The following CDK19 variants were observed in gnomAD, a reference collection of about 807,000 sequenced individuals.
CDK19 encodes the protein cyclin-dependent kinase 19.
CDK19 carries 20 observed loss-of-function variants against 68.3 expected under a neutral mutation model. The ratio of observed to expected loss-of-function variants is 0.29; its 90% confidence interval spans 0.21 to 0.43. The LOEUF (loss-of-function observed/expected upper bound fraction) is 0.43, where lower values mean the gene tolerates loss of function less well. Ranked by LOEUF, CDK19 falls within the 20% of genes least tolerant of loss-of-function variation. The probability of loss-of-function intolerance (pLI) is 1.00; values close to 1 mark genes in which losing one functional copy is unlikely to be tolerated. For missense variants in CDK19, 339 were observed against 623.5 expected (o/e 0.54, Z 4.86); for synonymous variants, 221 against 222.8 (o/e 0.99, Z 0.07).
At chr6:110,727,987 C>CAA (rs34006206) in intron 2 of CDK19, among the ~76,000 whole-genome samples, 3,598 of 142,202 alleles carry the variant, frequency 0.025, 66 homozygotes, top group Middle Eastern at 0.058. Flanking sequence ...GACCCTGTCT[C>CAA]AAAAAAAAAA....
intron 2 of CDK19, among the ~76,000 whole-genome samples, chr6:110,721,049 C>T (rs371553265): frequency 4.3e-4 from 65 of 151,842 alleles, no homozygotes; most frequent in Middle Eastern, 3.4e-3. Flanking sequence ...ACCAGCCTGA[C>T]CAACATGGTG....
intron 2 of CDK19, among the ~76,000 whole-genome samples, chr6:110,708,445 G>A (rs992294755): frequency 1.3e-5 from 2 of 152,176 alleles, no homozygotes; most frequent in Non-Finnish European, 2.9e-5. Flanking sequence ...CCTAGGCTAG[G>A]AGAATAGAGA....
intron 1 of CDK19, chr6:110,814,082 A>T (rs1385433008): frequency 6.3e-6 from 1 of 159,914 alleles, no homozygotes; most frequent in Non-Finnish European, 1.4e-5. Context: ...GAGGACAACC[A>T]GTAAAGGCTT....
chr6:110,704,930 T>C (rs1774313568), intron 2 of CDK19, among the ~76,000 whole-genome samples: 1 of 152,006 alleles, frequency 6.6e-6, no homozygotes, highest in South Asian at 2.1e-4. Flanking sequence ...TAGGATTTAG[T>C]AATTGATAGG....
chr6:110,721,203 G>T (rs1163984249), intron 2 of CDK19, among the ~76,000 whole-genome samples: 1 of 152,162 alleles, frequency 6.6e-6, no homozygotes, highest in Non-Finnish European at 1.5e-5. Context: ...TTGCACCACT[G>T]CACTCCAGTC....
At chr6:110,731,611 A>C (rs1422067446) in intron 2 of CDK19, among the ~76,000 whole-genome samples, 1 of 152,212 alleles carries the variant, frequency 6.6e-6, no homozygotes, top group East Asian at 1.9e-4. Context: ...ATTGTATCTC[A>C]ATTTTTAGAA....
At chr6:110,652,057 G>C (rs1425460082) in intron 4 of CDK19, among the ~76,000 whole-genome samples, 1 of 151,778 alleles carries the variant, frequency 6.6e-6, no homozygotes, top group Non-Finnish European at 1.5e-5. Context: ...CTGGGCAACA[G>C]AGCAAGATCC....
At chr6:110,712,862 T>A (rs1310874430) in intron 2 of CDK19, among the ~76,000 whole-genome samples, 1 of 152,122 alleles carries the variant, frequency 6.6e-6, no homozygotes, top group Non-Finnish European at 1.5e-5. Context: ...AGATTCAGAA[T>A]AAGATGGCAG....
chr6:110,711,020 A>G (rs1419443752), intron 2 of CDK19, among the ~76,000 whole-genome samples: 1 of 152,222 alleles, frequency 6.6e-6, no homozygotes, highest in African/African-American at 2.4e-5. Context: ...TATTAGAGAC[A>G]TCCATTAAAA....
chr6:110,620,249 A>C (rs998305933), intron 12 of CDK19, among the ~76,000 whole-genome samples: 2 of 152,096 alleles, frequency 1.3e-5, no homozygotes, highest in Non-Finnish European at 2.9e-5. Flanking sequence ...TTTCTTGTTA[A>C]AGTTTCTCTT....
chr6:110,683,395 C>T (rs138481856), intron 2 of CDK19, among the ~76,000 whole-genome samples: 56 of 152,140 alleles, frequency 3.7e-4, no homozygotes, highest in African/African-American at 1.3e-3. Context: ...CTAACCACTC[C>T]GGTTAGCTTT....
chr6:110,632,353 A>G (rs893293500), intron 5 of CDK19, among the ~76,000 whole-genome samples, 192 bp from the exon 6 acceptor site: 16 of 152,326 alleles, frequency 1.1e-4, no homozygotes, highest in Middle Eastern at 6.8e-3. Context: ...ACCAGAAAGG[A>G]ATTAACTTCA....
At chr6:110,772,800 G>C (rs1435322295) in intron 1 of CDK19, among the ~76,000 whole-genome samples, 1 of 151,820 alleles carries the variant, frequency 6.6e-6, no homozygotes, top group Non-Finnish European at 1.5e-5. Flanking sequence ...GGCTGAAGTG[G>C]GAGGATTGCT....
intron 2 of CDK19, among the ~76,000 whole-genome samples, chr6:110,679,629 T>G (rs1047319418): frequency 2.0e-5 from 3 of 152,118 alleles, no homozygotes; most frequent in Non-Finnish European, 2.9e-5. Flanking sequence ...TAAAAAATTT[T>G]TTTAAAAAAA....
At chr6:110,734,520 G>GCTCTCTCCTCTCTCT (rs1777052623) in intron 2 of CDK19, among the ~76,000 whole-genome samples, 1 of 85,734 alleles carries the variant, frequency 1.2e-5, no homozygotes, top group Non-Finnish European at 2.3e-5. Context: ...GGTGAGCACT[G>GCTCTCTCCTCTCTCT]CTCTCTCTCT....
intron 5 of CDK19, among the ~76,000 whole-genome samples, chr6:110,637,761 C>T (rs547997674): frequency 1.4e-3 from 213 of 152,270 alleles, no homozygotes; most frequent in Admixed American, 5.1e-3. Flanking sequence ...AGGCAGATCA[C>T]CTGAGGTCAG....
At chr6:110,798,579 C>A (rs1402370619) in intron 1 of CDK19, among the ~76,000 whole-genome samples, 1 of 144,034 alleles carries the variant, frequency 6.9e-6, no homozygotes, top group African/African-American at 2.6e-5. Flanking sequence ...GAGCCAAGAT[C>A]GCGACATCGC....
intron 1 of CDK19, among the ~76,000 whole-genome samples, chr6:110,752,041 T>C (rs1395094809): frequency 2.0e-5 from 3 of 151,240 alleles, no homozygotes; most frequent in Middle Eastern, 3.2e-3. Context: ...CAATGTGGAA[T>C]AAAAATTTGA....
rs530611488 is a variant in CDK19 at position 110,774,593 on chromosome 6, G to C, written c.129-28392C>G. On this transcript the variant is annotated intron_variant, in intron 1 of 12. Transcript: ENST00000368911. Reference sequence around the variant, plus strand: ...TCCATTTAATATTTTCAGACCACAAGTCAGTAACTAAAACAGCAGAAAGCA... The same window carrying C: ...TCCATTTAATATTTTCAGACCACAACTCAGTAACTAAAACAGCAGAAAGCA... Among the ~76,000 whole-genome samples, 11 of 152,272 alleles carry C rather than the reference G, an allele frequency of 7.2e-5. No homozygotes were observed. In the South Asian group the frequency reaches 2.3e-3, roughly 32 times the overall value.
Sources: allele counts gnomAD v4.1 joint callset (sites outside exome capture counted in the v4.1 genomes callset), GRCh38; gene constraint gnomAD v4.1.1; transcripts MANE v1.5; gene names NCBI Gene and HGNC (gene_info 2026-07-23, HGNC 2026-07-21).